Variants in PFDN1 observed in about 807,000 individuals in gnomAD.
The protein encoded by PFDN1 is prefoldin 1.
Under a neutral mutation model 17.3 loss-of-function variants are expected in PFDN1, and 6 were observed. That is an observed-to-expected ratio of 0.35 (90% CI 0.19 to 0.69). The LOEUF (loss-of-function observed/expected upper bound fraction) is 0.69. PFDN1 is among the 30% of genes least tolerant of loss of function. The pLI, the probability that PFDN1 is intolerant of heterozygous loss-of-function variation, is 0.65. For missense variants in PFDN1, 113 were observed against 146.2 expected, an observed-to-expected ratio of 0.77 and a Z score of 1.17; for synonymous variants, 58 against 50.1, an observed-to-expected ratio of 1.16 and a Z score of -0.67.
intron 3 of PFDN1, among the ~76,000 whole-genome samples, chr5:140,252,029 C>G (rs143640183): frequency 1.4e-3 from 209 of 151,112 alleles, no homozygotes; most frequent in African/African-American, 4.8e-3. Context: ...TTTATCCTGC[C>G]TTGGGGTATT....
intron 3 of PFDN1, among the ~76,000 whole-genome samples, chr5:140,259,419 G>C (rs1035488204): frequency 6.6e-6 from 1 of 152,202 alleles, no homozygotes; most frequent in Non-Finnish European, 1.5e-5. Flanking sequence ...AACGATTACA[G>C]TTTCCCAATA....
chr5:140,280,014 C>CAAAAAAAAAAAAAAAAAAAAAAAAA (rs5871731), intron 3 of PFDN1, among the ~76,000 whole-genome samples: 18 of 99,114 alleles, frequency 1.8e-4, no homozygotes, highest in African/African-American at 3.5e-4. Flanking sequence ...AAAAAAAAAA[C>CAAAAAAAAAAAAAAAAAAAAAAAAA]AAAAAAAGAA....
At chr5:140,272,429 C>T (rs1765220338) in intron 3 of PFDN1, among the ~76,000 whole-genome samples, 2 of 146,848 alleles carry the variant, frequency 1.4e-5, no homozygotes, top group African/African-American at 5.1e-5. Context: ...GGCATGATCT[C>T]GGCTCACTGC....
chr5:140,263,057 CAGGTA>C (rs1765085830), intron 3 of PFDN1, among the ~76,000 whole-genome samples: 1 of 152,214 alleles, frequency 6.6e-6, no homozygotes, highest in East Asian at 1.9e-4. Context: ...TGTTACAAGG[CAGGTA>C]CTTTTCATAA....
intron 2 of PFDN1, among the ~76,000 whole-genome samples, chr5:140,297,619 AG>A (rs1270955755): frequency 2.6e-5 from 4 of 152,208 alleles, no homozygotes; most frequent in Admixed American, 2.6e-4. Context: ...ACTTCTTTTA[AG>A]AAACGTAATT....
chr5:140,272,649 T>A (rs1027871221), intron 3 of PFDN1, among the ~76,000 whole-genome samples: 12 of 152,032 alleles, frequency 7.9e-5, no homozygotes, highest in Non-Finnish European at 5.9e-5. Flanking sequence ...TGAGCCACCA[T>A]GCCCGGCTGT....
intron 3 of PFDN1, among the ~76,000 whole-genome samples, chr5:140,272,366 T>TA (rs1765219520): frequency 6.8e-6 from 1 of 147,282 alleles, no homozygotes; most frequent in Admixed American, 6.8e-5. Context: ...TAAAACCATT[T>TA]TTTTTTTTTT....
intron 3 of PFDN1, among the ~76,000 whole-genome samples, chr5:140,259,795 A>G (rs1765038134): frequency 6.6e-6 from 1 of 152,208 alleles, no homozygotes; most frequent in South Asian, 2.1e-4. Context: ...CCTAAAGTCA[A>G]TCCTGATCCT....
intron 2 of PFDN1, among the ~76,000 whole-genome samples, chr5:140,284,582 T>C (rs1234477318): frequency 6.6e-6 from 1 of 152,232 alleles, no homozygotes; most frequent in South Asian, 2.1e-4. Context: ...AGTTGCTCAA[T>C]GTAGAGAATC....
At chr5:140,253,086 G>C (rs1764937876) in intron 3 of PFDN1, among the ~76,000 whole-genome samples, 1 of 152,210 alleles carries the variant, frequency 6.6e-6, no homozygotes, top group African/African-American at 2.4e-5. Context: ...CTTAGGCATG[G>C]AGCAGGAGAA....
At position 140,300,345 on chromosome 5, in the gene PFDN1, A is replaced by T. The variant is rs554455748; in HGVS notation, c.200+71T>A. The T allele has an allele frequency of 3.8e-4, 466 of 1,218,366 alleles. 1 individual carries two copies. The highest frequency in any genetic ancestry group is 5.2e-4 in the South Asian group (37 of 70,892). The allele number at this position is 1,218,366 out of a possible 1,614,324, so 75.5% of individuals were successfully genotyped here. A position where few individuals can be genotyped will look rare whatever the true frequency, so the allele number is the denominator to read the frequency against. On this transcript the variant is annotated intron_variant, in intron 2 of 3. Transcript: ENST00000261813. ...CTCCTGGCCTAACCCAAGTTTTAAG[A>T]TGAACAAATTCTATTTAACTCGGAC...
At chr5:140,257,477 G>A (rs1455674885) in intron 3 of PFDN1, among the ~76,000 whole-genome samples, 1 of 152,132 alleles carries the variant, frequency 6.6e-6, no homozygotes, top group East Asian at 1.9e-4. Context: ...ACTTTTAGGT[G>A]GCTGTCTGCT....
intron 2 of PFDN1, among the ~76,000 whole-genome samples, chr5:140,297,012 G>A (rs1454959095): frequency 6.6e-6 from 1 of 152,140 alleles, no homozygotes; most frequent in Non-Finnish European, 1.5e-5. Context: ...ATATTGATGT[G>A]ATTAATTCTG....
At position 140,287,253 on chromosome 5, in the gene PFDN1, C is replaced by A. The variant is rs555290920; in HGVS notation, c.201-5720G>T. Among the ~76,000 whole-genome samples, 109 of 152,222 alleles carry A rather than the reference C, an allele frequency of 7.2e-4. 4 individuals are homozygous for A. The South Asian group carries it at 0.022, about 30-fold the overall frequency. ...TCATATGAGAGAGAAGTTACAGATACGCAAGAAAGGAAGGCTAAAATGAAC... is the reference window on the plus strand; with the variant it reads ...TCATATGAGAGAGAAGTTACAGATAAGCAAGAAAGGAAGGCTAAAATGAAC... On this transcript the variant is annotated intron_variant, in intron 2 of 3. Coordinates refer to ENST00000261813, the MANE Select transcript of PFDN1 (RefSeq NM_002622.5).
At chr5:140,300,267 G>A (rs1765722430) in intron 2 of PFDN1, 149 bp downstream of exon 2, 2 of 590,024 alleles carry the variant, frequency 3.4e-6, no homozygotes, top group African/African-American at 3.8e-5. Flanking sequence ...GCCCTCAAGT[G>A]ATCCACTCGC....
intron 3 of PFDN1, among the ~76,000 whole-genome samples, chr5:140,274,407 A>G (rs1296973172): frequency 1.3e-5 from 2 of 152,326 alleles, no homozygotes; most frequent in Admixed American, 6.5e-5. Context: ...GGTATTATGC[A>G]CTCAGTACCT....
chr5:140,253,655 A>T (rs1459120988), intron 3 of PFDN1, among the ~76,000 whole-genome samples: 1 of 152,186 alleles, frequency 6.6e-6, no homozygotes, highest in Non-Finnish European at 1.5e-5. Context: ...TCAGCCAAAG[A>T]ATCACTACCA....
chr5:140,249,546 C>T (rs956826986), intron 3 of PFDN1, among the ~76,000 whole-genome samples: 1 of 152,138 alleles, frequency 6.6e-6, no homozygotes, highest in African/African-American at 2.4e-5. Flanking sequence ...TCTGTCTCCA[C>T]GGGTGTCTTA....
chr5:140,285,224 T>C (rs893092040), intron 2 of PFDN1, among the ~76,000 whole-genome samples: 2 of 151,668 alleles, frequency 1.3e-5, no homozygotes, highest in South Asian at 2.1e-4. Flanking sequence ...TTAAGCAGCA[T>C]AGAAAAGACA....
Sources: gnomAD v4.1 joint callset for allele counts (sites outside exome capture counted in the v4.1 genomes callset) on GRCh38, gnomAD v4.1.1 for gene constraint, MANE v1.5 for transcripts, NCBI Gene and HGNC (gene_info 2026-07-23, HGNC 2026-07-21) for gene names.